The following CMC1 variants were observed in gnomAD, a reference collection of about 807,000 sequenced individuals.
CMC1 encodes COX assembly mitochondrial protein homolog.
A neutral mutation model predicts 14.1 loss-of-function variants in CMC1; 14 were observed. The ratio of observed to expected loss-of-function variants is 0.99; its 90% CI spans 0.66 to 1.55. CMC1 has a LOEUF of 1.55. Ranked by LOEUF, CMC1 falls within the 40% of genes most tolerant of loss-of-function variation. The pLI is 0.00. For missense variants in CMC1, 127 were observed against 123.8 expected (o/e 1.03, Z -0.12); for synonymous variants, 50 against 38.4 (o/e 1.30, Z -1.12).
At chr3:28,286,711 A>G (rs1023926643) in intron 2 of CMC1, among the ~76,000 whole-genome samples, 1 of 152,214 alleles carries the variant, frequency 6.6e-6, no homozygotes, top group Admixed American at 6.5e-5. Flanking sequence ...GATATAAGGA[A>G]GTAGGTCATG....
chr3:28,259,612 T>G (rs1345717000), intron 1 of CMC1, among the ~76,000 whole-genome samples: 1 of 152,200 alleles, frequency 6.6e-6, no homozygotes, highest in East Asian at 1.9e-4. Context: ...ATCTGCATCA[T>G]GAGGATTTTC....
intron 2 of CMC1, among the ~76,000 whole-genome samples, chr3:28,279,201 C>T (rs918125871): frequency 2.0e-5 from 3 of 152,082 alleles, no homozygotes; most frequent in African/African-American, 7.2e-5. Context: ...AGTCCCCTGC[C>T]AGGTAGGGTG....
chr3:28,300,234 G>A (rs1312480708), intron 2 of CMC1, among the ~76,000 whole-genome samples: 2 of 152,056 alleles, frequency 1.3e-5, no homozygotes, highest in South Asian at 2.1e-4. Context: ...TGATAGTGTC[G>A]TTTTACACTG....
At chr3:28,306,916 G>T (rs1040733363) in intron 2 of CMC1, among the ~76,000 whole-genome samples, 15 of 152,160 alleles carry the variant, frequency 9.9e-5, no homozygotes, top group African/African-American at 3.6e-4. Context: ...AGAGTGCTGG[G>T]ATTACAGGTG....
At chr3:28,269,816 T>G (rs527558632) in intron 2 of CMC1, among the ~76,000 whole-genome samples, 22 of 152,358 alleles carry the variant, frequency 1.4e-4, no homozygotes, top group African/African-American at 5.3e-4. Flanking sequence ...TCTGCCTGCC[T>G]TGGCCTCCCA....
chr3:28,295,138 A>G (rs1347341095), intron 2 of CMC1, among the ~76,000 whole-genome samples: 1 of 152,118 alleles, frequency 6.6e-6, no homozygotes, highest in Non-Finnish European at 1.5e-5. Context: ...TGTGTAAGCC[A>G]TTTTTAATGT....
intron 1 of CMC1, among the ~76,000 whole-genome samples, chr3:28,253,474 G>A (rs1559400683): frequency 6.6e-6 from 1 of 152,074 alleles, no homozygotes. Context: ...CCAACTACTT[G>A]GGAGGCTGAG....
chr3:28,263,912 A>G (rs1051539813), intron 2 of CMC1, among the ~76,000 whole-genome samples: 4 of 152,146 alleles, frequency 2.6e-5, no homozygotes, highest in African/African-American at 9.7e-5. Flanking sequence ...AGACAGCTAC[A>G]AGTGTATGTT....
chr3:28,302,202 A>G (rs1702089507), intron 2 of CMC1, among the ~76,000 whole-genome samples: 1 of 152,156 alleles, frequency 6.6e-6, no homozygotes, highest in South Asian at 2.1e-4. Context: ...AGGTTCGTTT[A>G]TTACTTGTGT....
intron 2 of CMC1, among the ~76,000 whole-genome samples, chr3:28,264,461 C>G (rs1699901193): frequency 6.6e-6 from 1 of 152,110 alleles, no homozygotes; most frequent in Non-Finnish European, 1.5e-5. Context: ...ATTTTTGTTT[C>G]TTCAATAACT....
intron 2 of CMC1, 65 bp from the exon 3 acceptor site, chr3:28,316,268 T>G: frequency 1.3e-6 from 1 of 758,474 alleles, no homozygotes; most frequent in Non-Finnish European, 2.0e-6. Context: ...AAGAAGAAAA[T>G]TGTGTGTGTG....
intron 2 of CMC1, among the ~76,000 whole-genome samples, chr3:28,279,949 G>T (rs936567819): frequency 6.6e-6 from 1 of 152,102 alleles, no homozygotes; most frequent in South Asian, 2.1e-4. Flanking sequence ...AACAAAAAAG[G>T]CCTGTATGCT....
chr3:28,277,824 G>A (rs973745711), intron 2 of CMC1, among the ~76,000 whole-genome samples: 2 of 152,176 alleles, frequency 1.3e-5, no homozygotes, highest in African/African-American at 2.4e-5. Context: ...TGAATGAGGG[G>A]TAGAGTGAAT....
At chr3:28,299,758 T>A (rs1280174224) in intron 2 of CMC1, among the ~76,000 whole-genome samples, 1 of 152,176 alleles carries the variant, frequency 6.6e-6, no homozygotes, top group East Asian at 1.9e-4. Context: ...TTACTTTTTT[T>A]TATGTTCAAC....
At chr3:28,308,269 C>T (rs1702437106) in intron 2 of CMC1, among the ~76,000 whole-genome samples, 2 of 151,042 alleles carry the variant, frequency 1.3e-5, no homozygotes, top group Non-Finnish European at 2.9e-5. Context: ...TCAGTGAAAG[C>T]TTTAAAAAAA....
At chr3:28,259,045 T>TA (rs897442459) in intron 1 of CMC1, among the ~76,000 whole-genome samples, 1 of 152,196 alleles carries the variant, frequency 6.6e-6, no homozygotes, top group African/African-American at 2.4e-5. Flanking sequence ...AGTTGCTGCA[T>TA]AGCATCTAAA....
chr3:28,264,937 A>G (rs1265518790), intron 2 of CMC1, among the ~76,000 whole-genome samples: 5 of 152,180 alleles, frequency 3.3e-5, no homozygotes, highest in Admixed American at 6.6e-5. Context: ...AAAATGCAGA[A>G]TGATTGTATG....
intron 2 of CMC1, among the ~76,000 whole-genome samples, chr3:28,283,563 AAAAAG>A (rs1425847121): frequency 4.4e-4 from 67 of 151,578 alleles, no homozygotes; most frequent in East Asian, 1.2e-3. Flanking sequence ...AAAAAAAAAA[AAAAAG>A]AAAAGAAGAA....
intron 2 of CMC1, among the ~76,000 whole-genome samples, chr3:28,291,485 A>G (rs1260088733): frequency 1.3e-5 from 2 of 152,102 alleles, no homozygotes; most frequent in Non-Finnish European, 2.9e-5. Context: ...TAGCACTGTT[A>G]CAGATTTGTT....
Sources: gnomAD v4.1 joint callset for allele counts (sites outside exome capture counted in the v4.1 genomes callset) on GRCh38, gnomAD v4.1.1 for gene constraint, MANE v1.5 for transcripts, NCBI Gene and HGNC (gene_info 2026-07-23, HGNC 2026-07-21) for gene names.